The following DLGAP5 variants were observed in gnomAD, a reference collection of about 807,000 sequenced individuals.
DLGAP5 encodes the protein DLG associated protein 5, also known as disks large-associated protein 5.
A neutral mutation model predicts 99.6 loss-of-function variants in DLGAP5; 90 were observed. That is an observed-to-expected ratio of 0.90 (90% CI 0.76 to 1.08). The LOEUF is 1.08. DLGAP5 is among the 50% of genes least tolerant of loss of function. The pLI is 0.00. For missense variants in DLGAP5, 1,036 were observed against 983.5 expected, an observed-to-expected ratio of 1.05 and a Z score of -0.71; for synonymous variants, 311 against 321.3, an observed-to-expected ratio of 0.97 and a Z score of 0.34.
At chr14:55,181,183 A>C in intron 5 of DLGAP5, 30 bp downstream of exon 5, 1 of 1,589,810 alleles carries the variant, frequency 6.3e-7, no homozygotes, top group Middle Eastern at 1.7e-4. Flanking sequence ...GTAGCCTCAG[A>C]GGATTTATAG....
At chr14:55,149,296 T>C (rs893976832) in intron 18 of DLGAP5, among the ~76,000 whole-genome samples, 3 of 152,216 alleles carry the variant, frequency 2.0e-5, no homozygotes, top group African/African-American at 7.2e-5. Context: ...TTTACATAAG[T>C]TGGCTTTATG....
chr14:55,159,915 G>C (rs1349064131), intron 13 of DLGAP5, among the ~76,000 whole-genome samples: 1 of 152,242 alleles, frequency 6.6e-6, no homozygotes, highest in Middle Eastern at 3.4e-3. Context: ...CAAAAACAAG[G>C]AAGTAGGCCA....
chr14:55,164,183 A>C (rs1400374311), intron 12 of DLGAP5, among the ~76,000 whole-genome samples: 1 of 152,158 alleles, frequency 6.6e-6, no homozygotes, highest in Non-Finnish European at 1.5e-5. Flanking sequence ...AAAAATATGT[A>C]AATGTCTCTG....
At chr14:55,169,877 A>G (rs6650508) in intron 11 of DLGAP5, among the ~76,000 whole-genome samples, 34,482 of 136,472 alleles carry the variant, frequency 0.25, 10,824 homozygotes, top group African/African-American at 0.71. Context: ...GCTCATGCCT[A>G]CAATCCCAGC....
At chr14:55,160,734 C>A (rs777884868) in intron 13 of DLGAP5, among the ~76,000 whole-genome samples, 1 of 151,974 alleles carries the variant, frequency 6.6e-6, no homozygotes, top group East Asian at 1.9e-4. Flanking sequence ...TAAGCCACCA[C>A]GCCTGGCCTA....
intron 14 of DLGAP5, among the ~76,000 whole-genome samples, chr14:55,157,221 C>G (rs1032620066): frequency 1.2e-4 from 18 of 152,238 alleles, no homozygotes; most frequent in African/African-American, 4.3e-4. Context: ...TGCCATAAAC[C>G]TTAATCTCCC....
intron 3 of DLGAP5, 47 bp from the exon 4 acceptor site, chr14:55,182,479 G>T: frequency 6.7e-7 from 1 of 1,487,908 alleles, no homozygotes; most frequent in Non-Finnish European, 9.2e-7. Context: ...AACTGGTAAA[G>T]GTTTACTTCC....
Position 55,170,782 on chromosome 14 carries a change from A to G in DLGAP5, c.1307T>C (p.Ile436Thr). The change falls in exon 11 of 19, where the codon ATC (isoleucine) becomes ACC (threonine). Residue 436 changes from isoleucine (I) to threonine (T), a missense_variant. Coordinates refer to ENST00000247191, the MANE Select transcript of DLGAP5 (RefSeq NM_014750.5). ...PHHGVPYFRN[I>T]LQSETEKLTS... ...TAATTTCTCAGTTTCTGACTGGAGGATATTTCTAAAATTATGACATACATT... is the reference window on the plus strand; with the variant it reads ...TAATTTCTCAGTTTCTGACTGGAGGGTATTTCTAAAATTATGACATACATT... 1 of 1,613,068 alleles carries G rather than the reference A, an allele frequency of 6.2e-7. No individual in the cohort carries two copies.
intron 13 of DLGAP5, among the ~76,000 whole-genome samples, chr14:55,161,874 CAAAAAAAAA>C (rs34002442): frequency 3.2e-4 from 12 of 37,960 alleles, no homozygotes; most frequent in African/African-American, 5.3e-4. Context: ...AACTCTGTCT[CAAAAAAAAA>C]AAAAAAAAAA....
intron 9 of DLGAP5, 79 bp downstream of exon 9, chr14:55,175,815 T>C (rs1409511088): frequency 2.3e-5 from 29 of 1,234,824 alleles, no homozygotes; most frequent in Non-Finnish European, 2.9e-5. Context: ...AGTAAAAATG[T>C]AATTACTATA....
At chr14:55,190,329 T>C (rs533257029) in intron 1 of DLGAP5, among the ~76,000 whole-genome samples, 10 of 140,786 alleles carry the variant, frequency 7.1e-5, no homozygotes, top group African/African-American at 2.8e-4. Flanking sequence ...CAAAATCATA[T>C]AGTTTAATTG....
At position 55,151,947 on chromosome 14, in the gene DLGAP5, A is replaced by C; in HGVS notation, c.2122-6T>G. On this transcript the variant is annotated splice_region_variant and splice_polypyrimidine_tract_variant and intron_variant, in intron 16 of 18. Coordinates refer to ENST00000247191, the MANE Select transcript of DLGAP5 (RefSeq NM_014750.5). Reference sequence around the variant, plus strand: ...AAGTCTGTCTTATTTACAACCTGGAAGTAAAAATGGCATTATATTTAATTA... The same window carrying C: ...AAGTCTGTCTTATTTACAACCTGGACGTAAAAATGGCATTATATTTAATTA... 6.2e-7 allele frequency: 1 copy of C among 1,604,750 alleles called. No homozygotes were observed. Among genetic ancestry groups the C allele is most frequent in the Non-Finnish European group, 8.5e-7 (1 of 1,176,496 alleles).
At chr14:55,183,539 A>T in intron 3 of DLGAP5, 21 bp downstream of exon 3, 2 of 1,524,672 alleles carry the variant, frequency 1.3e-6, no homozygotes, top group Non-Finnish European at 1.8e-6. Flanking sequence ...CTATTCCTTT[A>T]TATTAAGACA....
rs774466827 is a variant in DLGAP5, at chr14:55,150,856, A to G, written c.2369-8T>C. 1.6e-5 allele frequency: 25 copies of G among 1,546,528 alleles called. 1 individual carries two copies. The South Asian group carries it at 2.4e-4, about 15-fold the overall frequency. Reference sequence around the variant, plus strand: ...TTTTATTATCAAATAGTTCTGAAAAACAACAAAAAAAAACTTTTTAAAGAA... The same window carrying G: ...TTTTATTATCAAATAGTTCTGAAAAGCAACAAAAAAAAACTTTTTAAAGAA... On this transcript the variant is annotated splice_polypyrimidine_tract_variant and splice_region_variant and intron_variant, in intron 17 of 18. Coordinates refer to ENST00000247191, the MANE Select transcript of DLGAP5 (RefSeq NM_014750.5).
chr14:55,160,657 G>A (rs1346301963), intron 13 of DLGAP5, among the ~76,000 whole-genome samples: 1 of 151,694 alleles, frequency 6.6e-6, no homozygotes, highest in African/African-American at 2.4e-5. Context: ...TGCTGGCCAG[G>A]CTGGTCTTGA....
At chr14:55,169,004 G>C (rs910452580) in intron 12 of DLGAP5, among the ~76,000 whole-genome samples, 1 of 151,568 alleles carries the variant, frequency 6.6e-6, no homozygotes, top group African/African-American at 2.4e-5. Context: ...GTGAAACTCC[G>C]TCTCTACTAA....
chr14:55,157,677 A>G (rs574772882), intron 14 of DLGAP5, among the ~76,000 whole-genome samples: 1 of 152,388 alleles, frequency 6.6e-6, no homozygotes, highest in East Asian at 1.9e-4. Context: ...TTTAAATTGG[A>G]AAATTAGTAC....
At chr14:55,169,622 C>A in intron 11 of DLGAP5, 63 bp from the exon 12 acceptor site, 1 of 1,373,304 alleles carries the variant, frequency 7.3e-7, no homozygotes, top group East Asian at 2.7e-5. Flanking sequence ...TGCAAGTCAG[C>A]CCACTGATAA....
At chr14:55,191,212 G>C (rs1230322425) in intron 1 of DLGAP5, 1 of 152,242 alleles carries the variant, frequency 6.6e-6, no homozygotes, top group Non-Finnish European at 1.5e-5. Flanking sequence ...GTCGGAGCTA[G>C]TGAAGAACAG....
Sources: allele counts gnomAD v4.1 joint callset (sites outside exome capture counted in the v4.1 genomes callset), GRCh38; gene constraint gnomAD v4.1.1; transcripts MANE v1.5; gene names NCBI Gene and HGNC (gene_info 2026-07-23, HGNC 2026-07-21).